Variants in FKBP5 observed in about 807,000 individuals in gnomAD.
FKBP5 encodes peptidyl-prolyl cis-trans isomerase FKBP5.
FKBP5 carries 23 observed loss-of-function variants against 50.5 expected under a neutral mutation model. The observed-to-expected ratio is 0.46, with a 90% CI of 0.33 to 0.65. The LOEUF is 0.65. Ranked by LOEUF, FKBP5 falls within the 30% of genes least tolerant of loss-of-function variation. The pLI, the probability that FKBP5 is intolerant of heterozygous loss-of-function variation, is 0.02. For synonymous variants in FKBP5, 176 were observed against 190.6 expected (o/e 0.92, Z 0.63); for missense variants, 411 against 553.1 (o/e 0.74, Z 2.58).
chr6:35,634,157 T>C (rs1242069313), intron 3 of FKBP5, among the ~76,000 whole-genome samples: 1 of 152,130 alleles, frequency 6.6e-6, no homozygotes, highest in East Asian at 1.9e-4. Context: ...AAAGGACCTG[T>C]TATCTTAACT....
intron 5 of FKBP5, among the ~76,000 whole-genome samples, chr6:35,617,395 CATAGCACGCT>C (rs1763693377): frequency 6.6e-6 from 1 of 151,942 alleles, no homozygotes; most frequent in African/African-American, 2.4e-5. Flanking sequence ...CTGGTGTAAC[CATAGCACGCT>C]ATAGCCTCGA....
At chr6:35,615,151 CAACT>C (rs756429079) in intron 5 of FKBP5, among the ~76,000 whole-genome samples, 296 of 90,108 alleles carry the variant, frequency 3.3e-3, no homozygotes, top group Admixed American at 0.011. Context: ...ACAACAACAA[CAACT>C]ACACACACAC....
At chr6:35,706,575 T>C (rs1766320027) in intron 2 of FKBP5, among the ~76,000 whole-genome samples, 2 of 152,204 alleles carry the variant, frequency 1.3e-5, no homozygotes, top group South Asian at 4.1e-4. Flanking sequence ...ATATACAGTA[T>C]AGGTAAGAAT....
chr6:35,603,557 T>G (rs1240011868), intron 5 of FKBP5, among the ~76,000 whole-genome samples: 1 of 152,238 alleles, frequency 6.6e-6, no homozygotes, highest in Non-Finnish European at 1.5e-5. Flanking sequence ...TAATAAATTC[T>G]AGGAAGCTAT....
chr6:35,590,556 C>T (rs147872169), intron 7 of FKBP5, among the ~76,000 whole-genome samples: 10 of 152,224 alleles, frequency 6.6e-5, no homozygotes, highest in Non-Finnish European at 1.0e-4. Flanking sequence ...TCCAAGGCAA[C>T]TGACAAATTC....
At chr6:35,727,365 G>T (rs1391416187) in intron 1 of FKBP5, among the ~76,000 whole-genome samples, 3 of 152,210 alleles carry the variant, frequency 2.0e-5, no homozygotes, top group Non-Finnish European at 2.9e-5. Context: ...TAAACCAGGG[G>T]TTTGGAGCTA....
intron 5 of FKBP5, among the ~76,000 whole-genome samples, chr6:35,618,796 G>A (rs1015335116): frequency 3.3e-5 from 5 of 152,156 alleles, no homozygotes; most frequent in African/African-American, 1.2e-4. Context: ...CCGGGTTCAA[G>A]TGATTCTCAT....
chr6:35,632,835 G>A (rs901110394), intron 3 of FKBP5, among the ~76,000 whole-genome samples: 88 of 151,732 alleles, frequency 5.8e-4, no homozygotes, highest in African/African-American at 1.9e-3. Flanking sequence ...GTCACAGTGA[G>A]CTGAGATCAT....
intron 1 of FKBP5, among the ~76,000 whole-genome samples, chr6:35,658,037 T>A (rs1488741523): frequency 6.9e-6 from 1 of 145,934 alleles, no homozygotes; most frequent in African/African-American, 2.6e-5. Context: ...GAGACCAGCC[T>A]GGCCAACATG....
In FKBP5 at chr6:35,719,538, C is replaced by T. The variant is rs191947602; in HGVS notation, c.-20+790G>A. Among the ~76,000 whole-genome samples the T allele has an allele frequency of 7.7e-4, 117 of 152,320 alleles. 1 individual carries two copies. Among genetic ancestry groups the T allele is most frequent in the Non-Finnish European group, 1.2e-3 (84 of 68,030 alleles). Reference sequence around the variant, plus strand: ...TACACATACAGAAAAATACACGGAACGGACATGCTCAGTTTAATGAATTAT... The same window carrying T: ...TACACATACAGAAAAATACACGGAATGGACATGCTCAGTTTAATGAATTAT... On this transcript the variant is annotated intron_variant, in intron 2 of 11. Coordinates refer to the FKBP5 transcript ENST00000536438.
In FKBP5 at chr6:35,677,274, T is replaced by C. The variant is rs11963574; in HGVS notation, c.-20+11530A>G. 8.2e-3 allele frequency among the ~76,000 whole-genome samples: 1,245 copies of C among 152,156 alleles called. 20 individuals are homozygous for C. The highest frequency in any genetic ancestry group is 0.026 in the African/African-American group (1,084 of 41,504). On this transcript the variant is annotated intron_variant, in intron 1 of 10. Transcript: ENST00000357266. ...ATTTTTAGTAGAGACGGGGTTTCAC[T>C]GTGTTAGCCAGAGTGGTCTCGATCT...
chr6:35,677,181 C>A lies in FKBP5; in HGVS notation c.-20+11623G>T, dbSNP rs11960963. ...CTCCGCCTCCCGGGTTCACTCCATT[C>A]TCCTGCCTCAGCCTCCCAAGTAGCT... On this transcript the variant is annotated intron_variant, in intron 1 of 10. Transcript: ENST00000357266. Among the ~76,000 whole-genome samples, 1,078 of 152,354 alleles carry A rather than the reference C, an allele frequency of 7.1e-3. 12 individuals carry two copies. Among genetic ancestry groups the A allele is most frequent in the African/African-American group, 0.022 (931 of 41,584 alleles).
intron 1 of FKBP5, among the ~76,000 whole-genome samples, chr6:35,648,525 C>T (rs1353859133): frequency 6.6e-6 from 1 of 152,166 alleles, no homozygotes; most frequent in African/African-American, 2.4e-5. Flanking sequence ...GTGATCCTCC[C>T]ACTTCGTCCT....
chr6:35,714,885 T>C (rs1227825058), intron 2 of FKBP5, among the ~76,000 whole-genome samples: 1 of 151,976 alleles, frequency 6.6e-6, no homozygotes, highest in Admixed American at 6.6e-5. Flanking sequence ...CTTACATAAA[T>C]GAAGGTGAGC....
chr6:35,615,203 T>C (rs918992257), intron 5 of FKBP5, among the ~76,000 whole-genome samples: 37 of 149,956 alleles, frequency 2.5e-4, no homozygotes, highest in African/African-American at 8.8e-4. Flanking sequence ...GATGTAGAAA[T>C]ACATATAGAT....
chr6:35,604,677 T>G (rs1396767411), intron 5 of FKBP5, among the ~76,000 whole-genome samples: 1 of 152,236 alleles, frequency 6.6e-6, no homozygotes, highest in Non-Finnish European at 1.5e-5. Context: ...TAGATACTGT[T>G]GTTGTTCTCA....
At chr6:35,583,374 A>G in intron 8 of FKBP5, 2 of 985,478 alleles carry the variant, frequency 2.0e-6, no homozygotes, top group Non-Finnish European at 2.4e-6. Flanking sequence ...AGAATGGTAG[A>G]AGGCCATGGT....
chr6:35,588,326 C>T (rs1342684594), intron 7 of FKBP5, among the ~76,000 whole-genome samples: 1 of 152,072 alleles, frequency 6.6e-6, no homozygotes, highest in Non-Finnish European at 1.5e-5. Flanking sequence ...CTATCCTCTA[C>T]TTTTTAAAAG....
chr6:35,629,062 C>G (rs767404489), intron 3 of FKBP5, among the ~76,000 whole-genome samples: 1 of 151,930 alleles, frequency 6.6e-6, no homozygotes, highest in Non-Finnish European at 1.5e-5. Flanking sequence ...ATAATCATCC[C>G]TACTCCCTAC....
Sources: gnomAD v4.1 joint callset for allele counts (sites outside exome capture counted in the v4.1 genomes callset) on GRCh38, gnomAD v4.1.1 for gene constraint, MANE v1.5 for transcripts, NCBI Gene and HGNC (gene_info 2026-07-23, HGNC 2026-07-21) for gene names.